DPPA3: variants seen among roughly 807,000 people sequenced by gnomAD.
DPPA3 encodes the protein developmental pluripotency-associated protein 3.
Under a neutral mutation model 15.6 loss-of-function variants are expected in DPPA3, and 9 were observed. That is an observed-to-expected ratio of 0.58 (90% CI 0.35 to 1.01). The LOEUF (loss-of-function observed/expected upper bound fraction) is 1.01. Among genes scored for constraint, DPPA3 ranks in the 50% least tolerant of loss-of-function variants. The pLI is 0.02. For synonymous variants in DPPA3, 61 were observed against 70.9 expected, an observed-to-expected ratio of 0.86 and a Z score of 0.70; for missense variants, 148 against 194.6, an observed-to-expected ratio of 0.76 and a Z score of 1.42.
chr12:7,711,566 C>T lies in DPPA3; in HGVS notation c.-5C>T, dbSNP rs935067596. The stretch of plus-strand genomic sequence containing the variant: ...GGAGAAGCCTAGTGTTGTGTCAAGA[C>T]GCCGATGGACCCATCACAGTTTAAT... On this transcript the variant is annotated 5_prime_UTR_variant, in exon 1 of 4. In the 5' UTR this introduces an upstream ATG that the reference lacks. Transcript: ENST00000345088. The T allele has an allele frequency of 6.2e-7, 1 of 1,612,390 alleles. No individual in the cohort carries two copies. The highest frequency in any genetic ancestry group is 8.5e-7 in the Non-Finnish European group (1 of 1,179,432).
At position 7,715,530 on chromosome 12, in the gene DPPA3, T is replaced by C; in HGVS notation, c.327+103T>C. The C allele has an allele frequency of 4.5e-6, 7 of 1,557,214 alleles. No individual in the cohort carries two copies. The South Asian group carries it at 7.0e-5, about 16-fold the overall frequency. On this transcript the variant is annotated intron_variant, in intron 2 of 3. Transcript: ENST00000345088. ...CTAGCTCTAGGCCCGGTGCGGTGGC[T>C]GAGGCCTGTAATCTGAGCACTTCGG...
rs1241336037 is a variant in DPPA3 at position 7,715,350 on chromosome 12, G to A, written c.250G>A (p.Gly84Arg). The stretch of plus-strand genomic sequence containing the variant: ...AGATGAGTGGCTTTACAGCAGGAGA[G>A]GAGTAAGAACATTGCTGTCTGTGCA... ...IEDEWLYSRR[G>R]VRTLLSVQRE... The change falls in exon 2 of 4, where the codon GGA becomes AGA. Residue 84 changes from glycine (G) to arginine (R), a missense_variant. Transcript: ENST00000345088. 6.2e-7 allele frequency: 1 copy of A among 1,614,056 alleles called. No individual in the cohort carries two copies. The highest frequency in any genetic ancestry group is 1.3e-5 in the African/African-American group (1 of 74,940).
intron 2 of DPPA3, among the ~76,000 whole-genome samples, 168 bp from the exon 3 acceptor site, chr12:7,716,030 G>T (rs1288686605): frequency 6.6e-6 from 1 of 152,094 alleles, no homozygotes; most frequent in African/African-American, 2.4e-5. Context: ...TTGAGCCTGG[G>T]GGGTTAAGGC....
chr12:7,715,095 C>T, intron 1 of DPPA3, 88 bp from the exon 2 acceptor site: 7 of 1,581,796 alleles, frequency 4.4e-6, no homozygotes, highest in Non-Finnish European at 6.1e-6. Flanking sequence ...CCACACAGCG[C>T]CCTGTTCCCC....
chr12:7,713,237 G>A (rs1431720430), intron 1 of DPPA3, among the ~76,000 whole-genome samples: 1 of 152,256 alleles, frequency 6.6e-6, no homozygotes, highest in Non-Finnish European at 1.5e-5. Flanking sequence ...GGGAGGTCTG[G>A]GAACTGGGCC....
At chr12:7,711,715 GCC>G in intron 1 of DPPA3, 63 bp downstream of exon 1, 1 of 813,910 alleles carries the variant, frequency 1.2e-6, no homozygotes, top group Non-Finnish European at 1.7e-6. Context: ...TCAAAAGGCT[GCC>G]GTCTTTTTTT....
chr12:7,716,510 T>C (rs1211824936), intron 3 of DPPA3, among the ~76,000 whole-genome samples: 1 of 152,024 alleles, frequency 6.6e-6, no homozygotes, highest in Non-Finnish European at 1.5e-5. Context: ...CACACCAGAA[T>C]TGCACACTTT....
At chr12:7,711,791 A>G in intron 1 of DPPA3, 139 bp downstream of exon 1, 2 of 720,102 alleles carry the variant, frequency 2.8e-6, no homozygotes, top group Non-Finnish European at 2.1e-6. Flanking sequence ...TATTTAGGTA[A>G]ACCTCAAACC....
chr12:7,711,708 A>C, intron 1 of DPPA3, 56 bp downstream of exon 1: 1 of 1,103,806 alleles, frequency 9.1e-7, no homozygotes, highest in Non-Finnish European at 1.3e-6. Context: ...TGGGAGGTCA[A>C]AAGGCTGCCG....
chr12:7,711,920 C>CTTT (rs71038727), intron 1 of DPPA3, among the ~76,000 whole-genome samples: 9 of 127,988 alleles, frequency 7.0e-5, no homozygotes, highest in Non-Finnish European at 1.3e-4. Context: ...CTTTTTTTTT[C>CTTT]TTTTTTTTTT....
At chr12:7,716,945 C>A in intron 3 of DPPA3, 22 bp from the exon 4 acceptor site, 1 of 1,575,240 alleles carries the variant, frequency 6.3e-7, no homozygotes, top group Non-Finnish European at 8.7e-7. Flanking sequence ...TCCAATTAAT[C>A]CATTTCATCA....
rs1421583322 is a variant in DPPA3, at chr12:7,711,584, A to G, written c.14A>G (p.Gln5Arg). 1 of 1,613,836 alleles carries G rather than the reference A, an allele frequency of 6.2e-7. No homozygotes were observed. Among genetic ancestry groups the G allele is most frequent in the Non-Finnish European group, 8.5e-7 (1 of 1,179,886 alleles). The change falls in exon 1 of 4, where the codon CAG becomes CGG. Residue 5 changes from glutamine to arginine, a missense_variant. Gln to Arg is a conservative substitution (Grantham distance 43). Transcript: ENST00000345088. Reference sequence around the variant, plus strand: ...GTCAAGACGCCGATGGACCCATCACAGTTTAATCCAACCTACATCCCAGGG... The same window carrying G: ...GTCAAGACGCCGATGGACCCATCACGGTTTAATCCAACCTACATCCCAGGG... Reference protein sequence around the residue: MDPSQFNPTYIPGSP... With the variant: MDPSRFNPTYIPGSP...
rs953525319 is a variant in DPPA3 at position 7,711,461 on chromosome 12, C to T, written c.-110C>T. 42 of 929,566 alleles carry T rather than the reference C, an allele frequency of 4.5e-5. No individual in the cohort carries two copies. Among genetic ancestry groups the T allele is most frequent in the Non-Finnish European group, 6.2e-5 (39 of 630,518 alleles). 57.6% of individuals were successfully genotyped at this position (929,566 alleles called of 1,614,324 possible). On this transcript the variant is annotated 5_prime_UTR_variant, in exon 1 of 4. Transcript: ENST00000345088. Reference sequence around the variant, plus strand: ...AGTTCTTTGACCATTCGTTGGAGCTCCGGTTTTCAGCCTCTTTCCGGGCTA... The same window carrying T: ...AGTTCTTTGACCATTCGTTGGAGCTTCGGTTTTCAGCCTCTTTCCGGGCTA...
Position 7,717,085 on chromosome 12 carries a change from T to A in DPPA3, c.*8T>A. The A allele has an allele frequency of 6.3e-7, 1 of 1,586,288 alleles. No individual in the cohort carries two copies. Among genetic ancestry groups the A allele is most frequent in the Non-Finnish European group, 8.6e-7 (1 of 1,159,692 alleles). On this transcript the variant is annotated 3_prime_UTR_variant, in exon 4 of 4. Transcript: ENST00000345088. The stretch of plus-strand genomic sequence containing the variant: ...AAGCCACTTCAGCCATAAATCTTAT[T>A]CTTGCACCTTTTTTTCTTGGTAGTA...
chr12:7,716,955 A>AT lies in DPPA3; in HGVS notation c.370-4dup, dbSNP rs199605731. 2,920 of 1,595,072 alleles carry AT rather than the reference A, an allele frequency of 1.8e-3. 21 individuals carry two copies. The highest frequency in any genetic ancestry group is 0.018 in the African/African-American group (1,345 of 74,364). On this transcript the variant is annotated splice_polypyrimidine_tract_variant and intron_variant, in intron 3 of 3. Transcript: ENST00000345088. ...AATATTCCAATTAATCCATTTCATC[A>AT]TTTTTTTTCAGAAGGAATCAAGACC...
intron 1 of DPPA3, among the ~76,000 whole-genome samples, chr12:7,713,271 G>A (rs1433313221): frequency 6.6e-6 from 1 of 152,228 alleles, no homozygotes; most frequent in Non-Finnish European, 1.5e-5. Flanking sequence ...CGCCCTCTGC[G>A]CCTGGTCTTA....
chr12:7,716,093 A>T, intron 2 of DPPA3, 105 bp from the exon 3 acceptor site: 1 of 996,686 alleles, frequency 1.0e-6, no homozygotes, highest in Non-Finnish European at 1.5e-6. Context: ...ACAGAGAAAG[A>T]CCCTGTCTCA....
chr12:7,714,401 G>C (rs1384416780), intron 1 of DPPA3, among the ~76,000 whole-genome samples: 2 of 149,660 alleles, frequency 1.3e-5, no homozygotes, highest in African/African-American at 2.4e-5. Context: ...TTCGAATTTT[G>C]TGATTGGTTG....
At chr12:7,715,076 AG>A (rs1409261290) in intron 1 of DPPA3, 106 bp from the exon 2 acceptor site, 1 of 1,528,782 alleles carries the variant, frequency 6.5e-7, no homozygotes, top group African/African-American at 1.4e-5. Context: ...TTCCACCCTG[AG>A]GAATTTCCCA....
Sources: allele counts gnomAD v4.1 joint callset (sites outside exome capture counted in the v4.1 genomes callset), GRCh38; gene constraint gnomAD v4.1.1; transcripts MANE v1.5; gene names NCBI Gene and HGNC (gene_info 2026-07-23, HGNC 2026-07-21).